Variants in GLRA3 observed in about 807,000 individuals in gnomAD.
GLRA3 encodes the protein glycine receptor alpha 3.
Under a neutral mutation model 60.4 loss-of-function variants are expected in GLRA3, and 44 were observed. The ratio of observed to expected loss-of-function variants is 0.73; its 90% CI spans 0.57 to 0.94. The LOEUF (loss-of-function observed/expected upper bound fraction) is 0.94. GLRA3 is among the 40% of genes least tolerant of loss of function. The probability of loss-of-function intolerance (pLI) is 0.00; values close to 1 mark genes in which losing one functional copy is unlikely to be tolerated. For missense variants in GLRA3, 508 were observed against 564.6 expected, an observed-to-expected ratio of 0.90 and a Z score of 1.02; for synonymous variants, 223 against 192.9, an observed-to-expected ratio of 1.16 and a Z score of -1.29.
At chr4:174,800,609 C>T (rs958265923) in intron 1 of GLRA3, among the ~76,000 whole-genome samples, 45 of 151,844 alleles carry the variant, frequency 3.0e-4, no homozygotes, top group African/African-American at 6.1e-4. Flanking sequence ...AAACCCCCCC[C>T]GCCAAAAAAA....
chr4:174,765,861 A>T (rs1423846313), intron 3 of GLRA3, among the ~76,000 whole-genome samples: 1 of 151,914 alleles, frequency 6.6e-6, no homozygotes, highest in Admixed American at 6.6e-5. Context: ...ACAAATGCTT[A>T]TTGTAGTTAA....
chr4:174,685,877 A>T (rs1361622831), intron 5 of GLRA3, among the ~76,000 whole-genome samples: 1 of 152,230 alleles, frequency 6.6e-6, no homozygotes, highest in Non-Finnish European at 1.5e-5. Flanking sequence ...CAATTTAGAC[A>T]GATGAATGGA....
rs1400008785 is a variant in GLRA3, at chr4:174,638,816, A to G, written c.*4970T>C. ...TTTAGCACTTGGGACAGTGCCAGGC[A>G]CACATAAGGTACTCAATGAATATTT... On this transcript the variant is annotated 3_prime_UTR_variant, in exon 10 of 10. Coordinates refer to ENST00000274093, the MANE Select transcript of GLRA3 (RefSeq NM_006529.4). The G allele has an allele frequency of 6.6e-6, 1 of 152,230 alleles. No individual in the cohort carries two copies. The highest frequency in any genetic ancestry group is 1.5e-5 in the Non-Finnish European group (1 of 68,046). 9.4% of individuals were successfully genotyped at this position (152,230 alleles called of 1,614,324 possible).
At chr4:174,814,968 A>C (rs1456156216) in intron 1 of GLRA3, among the ~76,000 whole-genome samples, 1 of 152,206 alleles carries the variant, frequency 6.6e-6, no homozygotes, top group Non-Finnish European at 1.5e-5. Flanking sequence ...AGAAGTCCAC[A>C]GTCTAAAGTC....
chr4:174,757,762 T>G (rs1468725949), intron 3 of GLRA3, among the ~76,000 whole-genome samples: 3 of 152,192 alleles, frequency 2.0e-5, no homozygotes, highest in Non-Finnish European at 4.4e-5. Flanking sequence ...CATAATCTCT[T>G]TATCCCCTTA....
chr4:174,652,918 A>G (rs1733074354), intron 9 of GLRA3, among the ~76,000 whole-genome samples: 1 of 152,132 alleles, frequency 6.6e-6, no homozygotes, highest in Non-Finnish European at 1.5e-5. Flanking sequence ...GAGTGTGAAC[A>G]AAACATTAAG....
chr4:174,651,866 A>T (rs890130041), intron 9 of GLRA3, among the ~76,000 whole-genome samples: 23 of 152,156 alleles, frequency 1.5e-4, no homozygotes, highest in Admixed American at 1.4e-3. Flanking sequence ...CCATGAGATG[A>T]GGCATGTGGA....
At chr4:174,645,356 G>T (rs1732772821) in intron 9 of GLRA3, among the ~76,000 whole-genome samples, 1 of 148,980 alleles carries the variant, frequency 6.7e-6, no homozygotes, top group South Asian at 2.1e-4. Flanking sequence ...AGATTGTAGT[G>T]AGCTGAGATC....
At chr4:174,810,964 A>G (rs1381149973) in intron 1 of GLRA3, among the ~76,000 whole-genome samples, 1 of 152,088 alleles carries the variant, frequency 6.6e-6, no homozygotes, top group Non-Finnish European at 1.5e-5. Flanking sequence ...CTGGGAAGGG[A>G]TAGTCTTTCT....
At chr4:174,691,001 T>C (rs1383801485) in intron 5 of GLRA3, among the ~76,000 whole-genome samples, 1 of 152,218 alleles carries the variant, frequency 6.6e-6, no homozygotes, top group Non-Finnish European at 1.5e-5. Context: ...GTCTTTATGG[T>C]ACAGTGATTT....
intron 6 of GLRA3, among the ~76,000 whole-genome samples, chr4:174,677,522 G>C (rs1252005690): frequency 7.3e-6 from 1 of 136,914 alleles, no homozygotes; most frequent in South Asian, 2.5e-4. Context: ...ACCAAGCCCG[G>C]CTAATTTTTT....
chr4:174,736,557 A>G (rs2046486), intron 3 of GLRA3, among the ~76,000 whole-genome samples: 1 of 151,904 alleles, frequency 6.6e-6, no homozygotes, highest in African/African-American at 2.4e-5. Flanking sequence ...TTAAATAAAT[A>G]GAATCACACT....
At chr4:174,759,644 G>C (rs966757373) in intron 3 of GLRA3, among the ~76,000 whole-genome samples, 1 of 152,006 alleles carries the variant, frequency 6.6e-6, no homozygotes, top group Non-Finnish European at 1.5e-5. Flanking sequence ...CTGTGTGTTT[G>C]GTAAGTTGTC....
chr4:174,819,446 CTG>C (rs927351076), intron 1 of GLRA3, among the ~76,000 whole-genome samples: 1 of 152,174 alleles, frequency 6.6e-6, no homozygotes, highest in Non-Finnish European at 1.5e-5. Flanking sequence ...CACATGGAAA[CTG>C]TGGCCTGTGC....
At chr4:174,771,156 A>C (rs556259255) in intron 2 of GLRA3, among the ~76,000 whole-genome samples, 3 of 151,864 alleles carry the variant, frequency 2.0e-5, no homozygotes, top group Non-Finnish European at 4.4e-5. Flanking sequence ...TGGGTGCAGC[A>C]CACCAACATG....
intron 5 of GLRA3, among the ~76,000 whole-genome samples, chr4:174,696,161 G>T (rs1047420913): frequency 3.3e-5 from 5 of 151,688 alleles, no homozygotes; most frequent in Non-Finnish European, 7.4e-5. Context: ...TTAAAAAAAT[G>T]ATGCTTTAAA....
intron 5 of GLRA3, among the ~76,000 whole-genome samples, chr4:174,714,452 T>C (rs1479373318): frequency 6.6e-6 from 1 of 152,210 alleles, no homozygotes; most frequent in African/African-American, 2.4e-5. Context: ...TGCTAATTAT[T>C]TAAGAACTAC....
intron 6 of GLRA3, among the ~76,000 whole-genome samples, chr4:174,679,977 T>C (rs1348588853): frequency 2.0e-5 from 3 of 152,144 alleles, no homozygotes; most frequent in African/African-American, 7.2e-5. Context: ...ATCGTACATT[T>C]CAAAGTAGAA....
intron 2 of GLRA3, among the ~76,000 whole-genome samples, chr4:174,778,780 G>C (rs1012648287): frequency 6.6e-6 from 1 of 152,188 alleles, no homozygotes; most frequent in Non-Finnish European, 1.5e-5. Context: ...AAAAAACGGC[G>C]CACCACGAGG....
Sources: gnomAD v4.1 joint callset for allele counts (sites outside exome capture counted in the v4.1 genomes callset) on GRCh38, gnomAD v4.1.1 for gene constraint, MANE v1.5 for transcripts, NCBI Gene and HGNC (gene_info 2026-07-23, HGNC 2026-07-21) for gene names.